The following GABRR2 variants were observed in gnomAD, a reference collection of about 807,000 sequenced individuals.
GABRR2 encodes gamma-aminobutyric acid receptor subunit rho-2.
A neutral mutation model predicts 47.0 loss-of-function variants in GABRR2; 36 were observed. The ratio of observed to expected loss-of-function variants is 0.77; its 90% CI spans 0.59 to 1.01. GABRR2 has a LOEUF of 1.01. GABRR2 is among the 50% of genes least tolerant of loss of function. The probability of loss-of-function intolerance (pLI) is 0.00; values close to 1 mark genes in which losing one functional copy is unlikely to be tolerated. For missense variants in GABRR2, 587 were observed against 594.6 expected, an observed-to-expected ratio of 0.99 and a Z score of 0.13; for synonymous variants, 204 against 227.5, an observed-to-expected ratio of 0.90 and a Z score of 0.93.
rs113272362 is a variant in GABRR2 at position 89,265,647 on chromosome 6, G to A, written c.855C>T (p.Ile285=). ...MVMLSWVSFW[I]DRRAVPARVS... ...CTCTGGCAGGCACAGCTCTGCGGTC[G>A]ATCCAGAAGGACACCCAGGACAGCA... is the stretch of plus-strand genomic sequence containing the variant. The change falls in exon 7 of 9, where the codon ATC becomes ATT. Residue 285 remains isoleucine (I), a synonymous_variant. Transcript: ENST00000402938. 2.3e-4 allele frequency: 369 copies of A among 1,614,122 alleles called. 3 individuals carry two copies. The East Asian group carries it at 7.3e-3, about 32-fold the overall frequency.
chr6:89,303,248 C>A, intron 1 of GABRR2: 1 of 358,456 alleles, frequency 2.8e-6, no homozygotes, highest in East Asian at 7.2e-5. Context: ...CTAGGGCTCC[C>A]TTGCCACCCT....
intron 1 of GABRR2, among the ~76,000 whole-genome samples, chr6:89,314,500 C>A (rs978004203): frequency 1.1e-4 from 17 of 152,186 alleles, no homozygotes; most frequent in African/African-American, 3.9e-4. Context: ...CTGTTGTTCA[C>A]ACATATATTT....
At chr6:89,266,391 G>T (rs1301838950) in intron 6 of GABRR2, among the ~76,000 whole-genome samples, 1 of 152,200 alleles carries the variant, frequency 6.6e-6, no homozygotes, top group Non-Finnish European at 1.5e-5. Flanking sequence ...TTTTGTTGAG[G>T]CCAGTGCCAC....
intron 2 of GABRR2, among the ~76,000 whole-genome samples, chr6:89,296,473 A>T (rs1343952387): frequency 1.3e-5 from 2 of 152,258 alleles, no homozygotes; most frequent in African/African-American, 4.8e-5. Flanking sequence ...ACCAACTGCC[A>T]TGGGGAGGAG....
At chr6:89,267,130 G>A (rs906418492) in intron 6 of GABRR2, among the ~76,000 whole-genome samples, 1 of 151,642 alleles carries the variant, frequency 6.6e-6, no homozygotes, top group Admixed American at 6.6e-5. Context: ...CTCCCGAGTA[G>A]CTGGGATTAC....
chr6:89,262,898 G>C (rs188662270), intron 8 of GABRR2, among the ~76,000 whole-genome samples: 1 of 152,312 alleles, frequency 6.6e-6, no homozygotes, highest in Admixed American at 6.5e-5. Context: ...TGGTGCAAAA[G>C]TAATTGCAGT....
chr6:89,313,066 G>A (rs973782948), intron 1 of GABRR2, among the ~76,000 whole-genome samples: 1 of 152,230 alleles, frequency 6.6e-6, no homozygotes, highest in African/African-American at 2.4e-5. Flanking sequence ...AGTTCTTACA[G>A]AATAGACAGT....
chr6:89,297,165 C>A (rs1774570781), intron 2 of GABRR2, among the ~76,000 whole-genome samples: 2 of 152,160 alleles, frequency 1.3e-5, no homozygotes. Context: ...AAAAAAATAT[C>A]AAAAAGCATA....
intron 6 of GABRR2, among the ~76,000 whole-genome samples, chr6:89,266,857 A>G (rs954488370): frequency 2.0e-5 from 3 of 151,882 alleles, no homozygotes; most frequent in Admixed American, 1.3e-4. Flanking sequence ...GTCTCGCTCT[A>G]TTGCCCAGGC....
intron 2 of GABRR2, among the ~76,000 whole-genome samples, chr6:89,276,223 C>T (rs1774157557): frequency 6.7e-6 from 1 of 149,638 alleles, no homozygotes; most frequent in African/African-American, 2.4e-5. Context: ...TACACAATAA[C>T]CAGCAGGAAA....
chr6:89,276,197 A>G (rs943023642), intron 2 of GABRR2, among the ~76,000 whole-genome samples: 1 of 149,572 alleles, frequency 6.7e-6, no homozygotes, highest in African/African-American at 2.4e-5. Flanking sequence ...AAGCAGGCAC[A>G]TCAGAAAATA....
At chr6:89,286,829 G>A (rs909089105) in intron 2 of GABRR2, among the ~76,000 whole-genome samples, 2 of 152,268 alleles carry the variant, frequency 1.3e-5, no homozygotes, top group East Asian at 1.9e-4. Flanking sequence ...GTCAGGTTGC[G>A]GCTTGTGTTC....
chr6:89,277,871 G>GGGC (rs1422701876), intron 2 of GABRR2, among the ~76,000 whole-genome samples: 1 of 140,284 alleles, frequency 7.1e-6, no homozygotes, highest in South Asian at 2.7e-4. Context: ...GCGGGGGTGG[G>GGGC]GGGGGGTGGG....
chr6:89,309,764 GCTT>G (rs997423004), intron 1 of GABRR2, among the ~76,000 whole-genome samples: 8 of 151,050 alleles, frequency 5.3e-5, no homozygotes, highest in Non-Finnish European at 5.9e-5. Flanking sequence ...TAGCACCCAT[GCTT>G]CTTCTTCTTC....
intron 4 of GABRR2, among the ~76,000 whole-genome samples, chr6:89,268,747 C>T (rs145136555): frequency 5.5e-4 from 83 of 151,636 alleles, no homozygotes; most frequent in African/African-American, 1.9e-3. Context: ...TCTCAGGGAA[C>T]AGAAGGTACA....
intron 2 of GABRR2, among the ~76,000 whole-genome samples, chr6:89,278,494 AACAGTG>A (rs1182417897): frequency 1.3e-5 from 2 of 152,238 alleles, no homozygotes; most frequent in Non-Finnish European, 1.5e-5. Context: ...AGTATTTGGA[AACAGTG>A]ACTTAAAAGC....
At chr6:89,273,755 C>T (rs893428828) in intron 2 of GABRR2, among the ~76,000 whole-genome samples, 1 of 152,220 alleles carries the variant, frequency 6.6e-6, no homozygotes, top group Non-Finnish European at 1.5e-5. Flanking sequence ...CATTCATTCC[C>T]TCATCCTGGG....
At chr6:89,271,182 C>A (rs1453888757) in intron 3 of GABRR2, among the ~76,000 whole-genome samples, 1 of 152,148 alleles carries the variant, frequency 6.6e-6, no homozygotes. Flanking sequence ...CACCTCTCCA[C>A]TGTGAGCCTT....
chr6:89,263,854 G>T (rs190275460), intron 8 of GABRR2, among the ~76,000 whole-genome samples: 10 of 152,298 alleles, frequency 6.6e-5, no homozygotes, highest in African/African-American at 2.4e-4. Context: ...TCCTTCTGCA[G>T]CTACACATAA....
Sources: gnomAD v4.1 joint callset for allele counts (sites outside exome capture counted in the v4.1 genomes callset) on GRCh38, gnomAD v4.1.1 for gene constraint, MANE v1.5 for transcripts, NCBI Gene and HGNC (gene_info 2026-07-23, HGNC 2026-07-21) for gene names.